Variants in NUAK1 observed in about 807,000 individuals in gnomAD.
NUAK1 encodes NUAK family SNF1-like kinase 1.
Under a neutral mutation model 56.9 loss-of-function variants are expected in NUAK1, and 26 were observed. The observed-to-expected ratio is 0.46, with a 90% confidence interval of 0.33 to 0.63. The LOEUF is 0.63. Among genes scored for constraint, NUAK1 ranks in the 30% least tolerant of loss-of-function variants. The pLI, the probability that NUAK1 is intolerant of heterozygous loss-of-function variation, is 0.02. For synonymous variants in NUAK1, 337 were observed against 336.0 expected, an observed-to-expected ratio of 1.00 and a Z score of -0.03; for missense variants, 727 against 876.1, an observed-to-expected ratio of 0.83 and a Z score of 2.15.
rs757060115 is a variant in NUAK1 at position 106,067,198 on chromosome 12, T to C, written c.1590A>G (p.Lys530=). 25 of 1,613,866 alleles carry C rather than the reference T, an allele frequency of 1.5e-5. No individual in the cohort carries two copies. Among genetic ancestry groups the C allele is most frequent in the Non-Finnish European group, 2.1e-5 (25 of 1,179,986 alleles). The part of the protein sequence containing the change: ...RRKGILKHSS[K]YSAGTMDPAL... ...CTGGGTCCATGGTGCCCGCTGAGTA[T>C]TTGCTGCTGTGTTTCAAGATGCCCT... Residue 530 remains lysine (K), a synonymous_variant, in exon 7 of 7, where the codon AAA becomes AAG. Coordinates refer to ENST00000261402, the MANE Select transcript of NUAK1 (RefSeq NM_014840.3). The surrounding 1 kb of genome is among the most constrained non-coding windows in gnomAD (Gnocchi z 6.0).
At chr12:106,085,372 G>A (rs2032560456) in intron 3 of NUAK1, among the ~76,000 whole-genome samples, 1 of 152,194 alleles carries the variant, frequency 6.6e-6, no homozygotes, top group Non-Finnish European at 1.5e-5. Context: ...GTTCACATGA[G>A]TTAAGGGTTT....
intron 5 of NUAK1, among the ~76,000 whole-genome samples, chr12:106,071,920 A>G (rs2032409873): frequency 6.6e-6 from 1 of 152,216 alleles, no homozygotes; most frequent in Non-Finnish European, 1.5e-5. Context: ...ACATTTCAAC[A>G]CACTGAGCAG....
intron 2 of NUAK1, among the ~76,000 whole-genome samples, chr12:106,097,200 G>C (rs904506754): frequency 2.0e-5 from 3 of 152,226 alleles, no homozygotes; most frequent in Admixed American, 6.5e-5. Flanking sequence ...AGAGAGCTTA[G>C]TCACTAGCCC....
At chr12:106,081,433 C>T (rs1006729108) in intron 4 of NUAK1, among the ~76,000 whole-genome samples, 5 of 152,134 alleles carry the variant, frequency 3.3e-5, no homozygotes, top group Non-Finnish European at 7.4e-5. Context: ...CATGCACACC[C>T]GTGCTTTACC....
At chr12:106,075,070 C>A (rs540778647) in intron 4 of NUAK1, among the ~76,000 whole-genome samples, 2 of 152,270 alleles carry the variant, frequency 1.3e-5, no homozygotes, top group South Asian at 4.1e-4. Context: ...CACATGCACA[C>A]ACTCACACCA....
chr12:106,110,344 G>T (rs2032845822), intron 1 of NUAK1, among the ~76,000 whole-genome samples: 1 of 152,110 alleles, frequency 6.6e-6, no homozygotes, highest in African/African-American at 2.4e-5. Context: ...ACACAAAAGG[G>T]AGCCAGCGCG....
At chr12:106,093,757 T>C (rs760110299) in intron 2 of NUAK1, among the ~76,000 whole-genome samples, 3 of 152,194 alleles carry the variant, frequency 2.0e-5, no homozygotes, top group Non-Finnish European at 4.4e-5. Context: ...GGACAATTTC[T>C]TTCTGTAACC....
At chr12:106,088,133 T>C (rs2032594461) in intron 2 of NUAK1, among the ~76,000 whole-genome samples, 1 of 152,218 alleles carries the variant, frequency 6.6e-6, no homozygotes. Context: ...AGGCCACAAA[T>C]GACAGGCTGT....
intron 1 of NUAK1, among the ~76,000 whole-genome samples, chr12:106,121,565 C>G (rs2032975019): frequency 1.3e-5 from 2 of 152,180 alleles, no homozygotes; most frequent in African/African-American, 2.4e-5. Flanking sequence ...CCCTGGCCAA[C>G]AAGGCAAAAC....
intron 2 of NUAK1, among the ~76,000 whole-genome samples, chr12:106,101,317 A>G (rs2032744858): frequency 1.3e-5 from 2 of 152,266 alleles, no homozygotes; most frequent in South Asian, 2.1e-4. Flanking sequence ...GTCACCACGT[A>G]GCCATGACCC....
intron 1 of NUAK1, among the ~76,000 whole-genome samples, chr12:106,129,703 G>A (rs188184886): frequency 1.3e-5 from 2 of 152,256 alleles, no homozygotes; most frequent in African/African-American, 4.8e-5. Context: ...ACTTCTCCCT[G>A]AAACAGTAAT....
At chr12:106,075,817 G>C (rs2032458554) in intron 4 of NUAK1, among the ~76,000 whole-genome samples, 1 of 152,236 alleles carries the variant, frequency 6.6e-6, no homozygotes, top group African/African-American at 2.4e-5. Context: ...TTGGGCACTG[G>C]TGTGTCTTCA....
intron 5 of NUAK1, 84 bp from the exon 6 acceptor site, chr12:106,070,990 A>C: frequency 6.7e-7 from 1 of 1,486,218 alleles, no homozygotes; most frequent in Non-Finnish European, 9.3e-7. Flanking sequence ...ATAGCCTGTG[A>C]GCAGCCACCC....
chr12:106,082,654 A>T (rs1287426817), intron 4 of NUAK1, among the ~76,000 whole-genome samples: 1 of 152,190 alleles, frequency 6.6e-6, no homozygotes, highest in Non-Finnish European at 1.5e-5. Context: ...TATTCTATAG[A>T]CTACATGTGA....
chr12:106,087,101 C>T (rs903485540), intron 2 of NUAK1: 13 of 497,834 alleles, frequency 2.6e-5, no homozygotes, highest in Middle Eastern at 5.2e-4. Context: ...TTCCTGGACA[C>T]GCCTTTGTCA....
At chr12:106,118,214 C>G (rs2032938858) in intron 1 of NUAK1, among the ~76,000 whole-genome samples, 1 of 152,112 alleles carries the variant, frequency 6.6e-6, no homozygotes, top group African/African-American at 2.4e-5. Flanking sequence ...TTGCCCCCAC[C>G]ACCACCCCAT....
At chr12:106,122,307 GC>G (rs992166800) in intron 1 of NUAK1, among the ~76,000 whole-genome samples, 3 of 152,194 alleles carry the variant, frequency 2.0e-5, no homozygotes, top group Non-Finnish European at 2.9e-5. Flanking sequence ...AAGTCCAGTG[GC>G]CATGAGCGGC....
At chr12:106,075,783 A>C (rs1262715300) in intron 4 of NUAK1, among the ~76,000 whole-genome samples, 6 of 152,234 alleles carry the variant, frequency 3.9e-5, no homozygotes, top group African/African-American at 1.4e-4. Flanking sequence ...AGTTCTTTGG[A>C]TTAAGTCAAG....
intron 2 of NUAK1, among the ~76,000 whole-genome samples, chr12:106,104,802 C>A (rs1185316426): frequency 6.6e-6 from 1 of 151,860 alleles, no homozygotes; most frequent in African/African-American, 2.4e-5. Context: ...AAAATAGAAG[C>A]AGCAGAAAAA....
Sources: allele counts gnomAD v4.1 joint callset (sites outside exome capture counted in the v4.1 genomes callset), GRCh38; gene constraint gnomAD v4.1.1; non-coding constraint Gnocchi (gnomAD v3.1); transcripts MANE v1.5; gene names NCBI Gene and HGNC (gene_info 2026-07-23, HGNC 2026-07-21).